Variants in SLC35F3 observed in about 807,000 individuals in gnomAD.
SLC35F3 encodes the protein solute carrier family 35 member F3.
In SLC35F3, 25 loss-of-function variants were observed where a neutral mutation model predicts 49.9. That is an observed-to-expected ratio of 0.50 (90% CI 0.37 to 0.70). The LOEUF (loss-of-function observed/expected upper bound fraction) is 0.70, where lower values mean the gene tolerates loss of function less well. Among genes scored for constraint, SLC35F3 ranks in the 30% least tolerant of loss-of-function variants. The probability of loss-of-function intolerance (pLI) is 0.00; values close to 1 mark genes in which losing one functional copy is unlikely to be tolerated. For synonymous variants in SLC35F3, 275 were observed against 265.4 expected (o/e 1.04, Z -0.35); for missense variants, 525 against 639.8 (o/e 0.82, Z 1.94).
chr1:234,133,297 AAGTTTTTAAG>A (rs1665760870), intron 2 of SLC35F3, among the ~76,000 whole-genome samples: 2 of 152,226 alleles, frequency 1.3e-5, no homozygotes, highest in Admixed American at 1.3e-4. Context: ...AAAACAATGT[AAGTTTTTAAG>A]AGACCCACAG....
chr1:233,991,167 G>C (rs2102827185), intron 2 of SLC35F3, among the ~76,000 whole-genome samples: 1 of 152,252 alleles, frequency 6.6e-6, no homozygotes, highest in East Asian at 1.9e-4. Context: ...CCAGCATCTT[G>C]CAGGTAGTAC....
At chr1:234,087,537 A>G (rs892377663) in intron 2 of SLC35F3, among the ~76,000 whole-genome samples, 11 of 152,228 alleles carry the variant, frequency 7.2e-5, no homozygotes, top group Admixed American at 5.9e-4. Flanking sequence ...CTAGTGAACA[A>G]GCCAGGCCTG....
At chr1:233,933,048 A>C (rs986998131) in intron 2 of SLC35F3, among the ~76,000 whole-genome samples, 3 of 151,480 alleles carry the variant, frequency 2.0e-5, no homozygotes, top group East Asian at 1.9e-4. Context: ...AAAAAAAAAA[A>C]AAAAAACTAT....
At chr1:234,238,813 CA>C (rs1667513259) in intron 3 of SLC35F3, among the ~76,000 whole-genome samples, 1 of 152,146 alleles carries the variant, frequency 6.6e-6, no homozygotes, top group Non-Finnish European at 1.5e-5. Flanking sequence ...TCCCACATCC[CA>C]ATTATCTGAG....
chr1:234,024,990 G>C (rs1176187542), intron 2 of SLC35F3, among the ~76,000 whole-genome samples: 1 of 151,890 alleles, frequency 6.6e-6, no homozygotes, highest in African/African-American at 2.4e-5. Context: ...TCTTCTTGTA[G>C]TCCCCAGTGT....
At chr1:234,209,840 G>C (rs946005827) in intron 2 of SLC35F3, among the ~76,000 whole-genome samples, 1 of 150,030 alleles carries the variant, frequency 6.7e-6, no homozygotes, top group African/African-American at 2.4e-5. Context: ...AGCTGCATGT[G>C]AAAAAAAAAG....
At chr1:233,965,811 A>G (rs1201571261) in intron 2 of SLC35F3, among the ~76,000 whole-genome samples, 1 of 152,224 alleles carries the variant, frequency 6.6e-6, no homozygotes, top group Non-Finnish European at 1.5e-5. Context: ...AAACTGTGAA[A>G]TAATTAATGC....
chr1:234,199,455 T>C (rs1298048674), intron 2 of SLC35F3, among the ~76,000 whole-genome samples: 1 of 152,122 alleles, frequency 6.6e-6, no homozygotes, highest in Non-Finnish European at 1.5e-5. Context: ...AAGAATGAAA[T>C]TGGACCTTAT....
chr1:234,229,521 C>T (rs1261125859), intron 2 of SLC35F3, among the ~76,000 whole-genome samples: 1 of 152,222 alleles, frequency 6.6e-6, no homozygotes, highest in African/African-American at 2.4e-5. Context: ...AGTTTTAAAG[C>T]TTAATTTGCT....
chr1:234,089,622 G>T (rs149061464), intron 2 of SLC35F3, among the ~76,000 whole-genome samples: 5 of 152,324 alleles, frequency 3.3e-5, no homozygotes, highest in Admixed American at 6.5e-5. Context: ...GGGAGGTCAG[G>T]TGTACCCCGG....
At chr1:234,154,839 C>T (rs1666127968) in intron 2 of SLC35F3, among the ~76,000 whole-genome samples, 1 of 152,140 alleles carries the variant, frequency 6.6e-6, no homozygotes, top group Non-Finnish European at 1.5e-5. Context: ...TTTAGAGGCT[C>T]CTGCCTGATG....
intron 2 of SLC35F3, among the ~76,000 whole-genome samples, chr1:233,965,953 A>G (rs1662899020): frequency 6.6e-6 from 1 of 152,210 alleles, no homozygotes. Flanking sequence ...CATGGGCAGC[A>G]GTTCTCTAAG....
chr1:233,934,333 AG>A (rs1161984266), intron 2 of SLC35F3, among the ~76,000 whole-genome samples: 1 of 152,120 alleles, frequency 6.6e-6, no homozygotes, highest in Non-Finnish European at 1.5e-5. Context: ...TTGCTGCTTG[AG>A]TTGCCATTAC....
At chr1:233,958,860 G>C (rs1397992712) in intron 2 of SLC35F3, among the ~76,000 whole-genome samples, 1 of 152,096 alleles carries the variant, frequency 6.6e-6, no homozygotes, top group Admixed American at 6.5e-5. Flanking sequence ...CTTGACCTTT[G>C]AATACAAAAT....
chr1:233,911,394 G>T (rs535818506), intron 2 of SLC35F3, among the ~76,000 whole-genome samples: 7 of 152,262 alleles, frequency 4.6e-5, no homozygotes, highest in Non-Finnish European at 8.8e-5. Context: ...AGATGGAGAA[G>T]ATTTTAAAAG....
chr1:234,301,363 TCA>T (rs1337768313), intron 3 of SLC35F3, among the ~76,000 whole-genome samples: 4 of 151,930 alleles, frequency 2.6e-5, no homozygotes, highest in Admixed American at 2.0e-4. Context: ...GACAACCCCA[TCA>T]AAAAGTGGGC....
intron 2 of SLC35F3, among the ~76,000 whole-genome samples, chr1:234,002,497 AT>A (rs544469772): frequency 2.0e-5 from 3 of 152,018 alleles, no homozygotes; most frequent in Middle Eastern, 3.4e-3. Context: ...AATTTGTCTG[AT>A]TTTTTTTATC....
chr1:234,067,769 CA>C (rs1256255671), intron 2 of SLC35F3, among the ~76,000 whole-genome samples: 1 of 152,158 alleles, frequency 6.6e-6, no homozygotes, highest in African/African-American at 2.4e-5. Flanking sequence ...TGACCCCTGG[CA>C]AAACCAGCAG....
intron 3 of SLC35F3, among the ~76,000 whole-genome samples, chr1:234,290,838 C>T (rs1164014835): frequency 6.6e-6 from 1 of 152,230 alleles, no homozygotes; most frequent in African/African-American, 2.4e-5. Flanking sequence ...AGGGTTCTTT[C>T]TGTAACTACA....
Sources: gnomAD v4.1 joint callset for allele counts (sites outside exome capture counted in the v4.1 genomes callset) on GRCh38, gnomAD v4.1.1 for gene constraint, MANE v1.5 for transcripts, NCBI Gene and HGNC (gene_info 2026-07-23, HGNC 2026-07-21) for gene names.